Variants in EYS observed in about 807,000 individuals in gnomAD.
EYS encodes protein eyes shut homolog.
EYS carries 250 observed loss-of-function variants against 282.1 expected under a neutral mutation model. That is an observed-to-expected ratio of 0.89 (90% CI 0.80 to 0.98). The LOEUF (loss-of-function observed/expected upper bound fraction) is 0.98, where lower values mean the gene tolerates loss of function less well. Ranked by LOEUF, EYS falls within the 50% of genes least tolerant of loss-of-function variation. The pLI is 0.00. For synonymous variants in EYS, 1,355 were observed against 1,282.9 expected (o/e 1.06, Z -1.20); for missense variants, 4,016 against 3,709.0 (o/e 1.08, Z -2.15).
intron 35 of EYS, among the ~76,000 whole-genome samples, chr6:63,894,177 T>C (rs924520124): frequency 3.9e-5 from 6 of 152,176 alleles, no homozygotes; most frequent in Non-Finnish European, 5.9e-5. Context: ...CTAGACAAGA[T>C]TGAATATTAT....
chr6:65,148,541 T>C (rs1243020190), intron 12 of EYS, among the ~76,000 whole-genome samples: 1 of 152,082 alleles, frequency 6.6e-6, no homozygotes, highest in Admixed American at 6.6e-5. Context: ...CTTTCATGAG[T>C]TGGCATTTAG....
At chr6:65,564,393 C>T (rs1032275779) in intron 2 of EYS, among the ~76,000 whole-genome samples, 21 of 152,198 alleles carry the variant, frequency 1.4e-4, no homozygotes, top group African/African-American at 2.4e-4. Flanking sequence ...CCTACAGTAA[C>T]GAAAATAGCA....
At chr6:65,050,925 C>T (rs1357634040) in intron 13 of EYS, among the ~76,000 whole-genome samples, 1 of 151,544 alleles carries the variant, frequency 6.6e-6, no homozygotes, top group Non-Finnish European at 1.5e-5. Context: ...GAGTTTTGTT[C>T]TTCTTTGTTT....
chr6:63,895,620 T>A (rs1167740198), intron 35 of EYS, among the ~76,000 whole-genome samples: 3 of 152,242 alleles, frequency 2.0e-5, no homozygotes, highest in Non-Finnish European at 2.9e-5. Context: ...TTGGTCTACA[T>A]GGCATCTTTC....
chr6:64,488,437 G>A (rs1776641266), intron 26 of EYS, among the ~76,000 whole-genome samples: 1 of 151,036 alleles, frequency 6.6e-6, no homozygotes, highest in Non-Finnish European at 1.5e-5. Context: ...TATTGTGGTT[G>A]GCACCATGGG....
chr6:64,506,809 T>C (rs1777221841), intron 26 of EYS, among the ~76,000 whole-genome samples: 1 of 148,756 alleles, frequency 6.7e-6, no homozygotes, highest in Non-Finnish European at 1.5e-5. Flanking sequence ...CTGGGGAGGC[T>C]GAGGCAGGAA....
chr6:65,350,713 T>C (rs1358430263), intron 9 of EYS, among the ~76,000 whole-genome samples: 2 of 151,652 alleles, frequency 1.3e-5, no homozygotes, highest in Non-Finnish European at 3.0e-5. Flanking sequence ...ATACACATAA[T>C]GAACATAGAT....
intron 1 of EYS, among the ~76,000 whole-genome samples, chr6:65,651,645 T>G (rs1436461531): frequency 1.3e-5 from 2 of 152,070 alleles, no homozygotes; most frequent in Non-Finnish European, 2.9e-5. Flanking sequence ...CACTAGAGGA[T>G]GCAGGCTAGA....
At chr6:64,870,112 C>T (rs16895898) in intron 19 of EYS, among the ~76,000 whole-genome samples, 23,457 of 151,354 alleles carry the variant, frequency 0.15, 2,147 homozygotes, top group East Asian at 0.49. Context: ...TCTTAGATCA[C>T]CGGATGGATA....
intron 40 of EYS, among the ~76,000 whole-genome samples, chr6:63,768,896 A>T (rs1769863527): frequency 6.6e-6 from 1 of 152,172 alleles, no homozygotes; most frequent in African/African-American, 2.4e-5. Flanking sequence ...CAGCCATTGA[A>T]AAAATGAAAT....
intron 12 of EYS, among the ~76,000 whole-genome samples, chr6:65,131,358 C>T (rs1253936258): frequency 2.6e-5 from 4 of 151,784 alleles, no homozygotes; most frequent in Non-Finnish European, 5.9e-5. Context: ...TGCAGAAGAA[C>T]TGAAATCATA....
intron 41 of EYS, among the ~76,000 whole-genome samples, chr6:63,756,843 CA>C (rs1769498173): frequency 6.6e-6 from 1 of 152,148 alleles, no homozygotes; most frequent in Admixed American, 6.6e-5. Flanking sequence ...GGACATTTAT[CA>C]GTTTCCAAAA....
chr6:65,416,809 A>G (rs1409996106), intron 5 of EYS, among the ~76,000 whole-genome samples: 1 of 152,018 alleles, frequency 6.6e-6, no homozygotes, highest in African/African-American at 2.4e-5. Flanking sequence ...GGCAACACAA[A>G]GACATCACCA....
At chr6:65,626,964 TTTTC>T (rs149983337) in intron 2 of EYS, among the ~76,000 whole-genome samples, 25,707 of 151,550 alleles carry the variant, frequency 0.17, 2,268 homozygotes, top group Non-Finnish European at 0.19. Context: ...TCAGGTTTTC[TTTTC>T]TTTCTTTCTT....
chr6:64,436,143 A>G, intron 28 of EYS, 31 bp downstream of exon 28: 7 of 1,316,758 alleles, frequency 5.3e-6, no homozygotes, highest in Non-Finnish European at 7.3e-6. Context: ...CTACTTAATG[A>G]GATTAACTGG....
At chr6:65,363,389 T>C (rs192294741) in intron 8 of EYS, among the ~76,000 whole-genome samples, 2 of 152,088 alleles carry the variant, frequency 1.3e-5, no homozygotes, top group East Asian at 1.9e-4. Flanking sequence ...ATTAAATATA[T>C]AGCTTTAGGT....
chr6:63,737,138 G>C (rs1768936095), intron 41 of EYS, among the ~76,000 whole-genome samples: 1 of 151,620 alleles, frequency 6.6e-6, no homozygotes, highest in Non-Finnish European at 1.5e-5. Context: ...AATAGGAGTG[G>C]TGAGAGAGGG....
intron 26 of EYS, among the ~76,000 whole-genome samples, chr6:64,526,909 C>A (rs1234322282): frequency 6.6e-6 from 1 of 151,772 alleles, no homozygotes; most frequent in African/African-American, 2.4e-5. Flanking sequence ...ATTGTGTTGA[C>A]TTACGTACTG....
chr6:64,868,242 C>G (rs936333985), intron 19 of EYS, among the ~76,000 whole-genome samples: 1 of 151,268 alleles, frequency 6.6e-6, no homozygotes, highest in Admixed American at 6.6e-5. Context: ...GGTTTATAAT[C>G]CTGGAAATTC....
Sources: allele counts gnomAD v4.1 joint callset (sites outside exome capture counted in the v4.1 genomes callset), GRCh38; gene constraint gnomAD v4.1.1; transcripts MANE v1.5; gene names NCBI Gene and HGNC (gene_info 2026-07-23, HGNC 2026-07-21).